The following CA10 variants were observed in gnomAD, a reference collection of about 807,000 sequenced individuals.
CA10 encodes carbonic anhydrase 10 (inactive).
In CA10, 14 loss-of-function variants were observed where a neutral mutation model predicts 44.2. That is an observed-to-expected ratio of 0.32 (90% CI 0.21 to 0.50). The LOEUF (loss-of-function observed/expected upper bound fraction) is 0.50. Among genes scored for constraint, CA10 ranks in the 20% least tolerant of loss-of-function variants. The pLI is 0.99. For synonymous variants in CA10, 159 were observed against 141.6 expected (o/e 1.12, Z -0.87); for missense variants, 350 against 409.7 (o/e 0.85, Z 1.26).
At chr17:52,025,937 A>G (rs1038983725) in intron 2 of CA10, among the ~76,000 whole-genome samples, 1 of 152,078 alleles carries the variant, frequency 6.6e-6, no homozygotes, top group South Asian at 2.1e-4. Context: ...AGAAATATAC[A>G]AACATAGAAA....
chr17:51,701,223 C>T (rs773700521), intron 4 of CA10, among the ~76,000 whole-genome samples: 5 of 152,066 alleles, frequency 3.3e-5, no homozygotes, highest in Non-Finnish European at 5.9e-5. Context: ...TGTTCCTCGG[C>T]GGGCGGCACC....
chr17:51,882,944 C>G, intron 3 of CA10, among the ~76,000 whole-genome samples: 1 of 152,032 alleles, frequency 6.6e-6, no homozygotes, highest in Non-Finnish European at 1.5e-5. Flanking sequence ...AGATATAATC[C>G]TGGCTGGGTA....
At chr17:51,827,508 C>A (rs1465248736) in intron 3 of CA10, among the ~76,000 whole-genome samples, 1 of 152,190 alleles carries the variant, frequency 6.6e-6, no homozygotes, top group Non-Finnish European at 1.5e-5. Context: ...TTGAGGAACA[C>A]TTTTTGGAAA....
intron 6 of CA10, among the ~76,000 whole-genome samples, chr17:51,636,720 A>G (rs1912841364): frequency 6.6e-6 from 1 of 151,860 alleles, no homozygotes; most frequent in South Asian, 2.1e-4. Flanking sequence ...TAGAAAAGTA[A>G]ATCAGGCCAA....
At chr17:51,746,849 C>T (rs1446862966) in intron 4 of CA10, among the ~76,000 whole-genome samples, 1 of 152,150 alleles carries the variant, frequency 6.6e-6, no homozygotes, top group Non-Finnish European at 1.5e-5. Flanking sequence ...ACACCACATG[C>T]AATACATATT....
At chr17:52,049,030 A>C (rs1413588334) in intron 2 of CA10, among the ~76,000 whole-genome samples, 2 of 152,136 alleles carry the variant, frequency 1.3e-5, no homozygotes, top group Admixed American at 6.6e-5. Flanking sequence ...CAGAAGGCAT[A>C]AAATAAAATG....
chr17:51,977,486 T>C (rs1400627099), intron 2 of CA10, among the ~76,000 whole-genome samples: 4 of 151,998 alleles, frequency 2.6e-5, no homozygotes, highest in South Asian at 4.1e-4. Flanking sequence ...TTTTAAAAAC[T>C]AAACAGTCAA....
chr17:51,744,230 G>A (rs553985509), intron 4 of CA10, among the ~76,000 whole-genome samples: 38 of 151,618 alleles, frequency 2.5e-4, no homozygotes, highest in South Asian at 1.3e-3. Flanking sequence ...TAGGAGAATC[G>A]CTTGAACCCA....
chr17:51,675,325 C>A (rs879567682), intron 4 of CA10, among the ~76,000 whole-genome samples: 17 of 152,072 alleles, frequency 1.1e-4, no homozygotes, highest in Non-Finnish European at 1.8e-4. Context: ...TTTGGGAGGC[C>A]AAGGCGGGTG....
At chr17:51,826,566 C>G (rs867039892) in intron 3 of CA10, among the ~76,000 whole-genome samples, 2 of 152,308 alleles carry the variant, frequency 1.3e-5, no homozygotes, top group Middle Eastern at 3.4e-3. Context: ...TTCCATGCAT[C>G]CTTCAGAGCC....
intron 3 of CA10, among the ~76,000 whole-genome samples, chr17:51,908,988 T>A (rs919215823): frequency 2.4e-4 from 37 of 152,124 alleles, no homozygotes; most frequent in African/African-American, 8.7e-4. Flanking sequence ...CATAACTGAT[T>A]TTTTGACGTC....
At chr17:51,959,282 C>CTCTGTGTGTGTGTG (rs748461115) in intron 2 of CA10, among the ~76,000 whole-genome samples, 9 of 134,368 alleles carry the variant, frequency 6.7e-5, no homozygotes, top group Admixed American at 7.6e-5. Flanking sequence ...CTCTCTCTCT[C>CTCTGTGTGTGTGTG]TGTGTGTGTG....
chr17:51,855,306 A>G (rs1978990706), intron 3 of CA10, among the ~76,000 whole-genome samples: 2 of 152,186 alleles, frequency 1.3e-5, no homozygotes, highest in African/African-American at 2.4e-5. Context: ...ACAGAAAAGC[A>G]CTTTGTAAAA....
At chr17:51,826,305 G>A (rs1443451204) in intron 3 of CA10, among the ~76,000 whole-genome samples, 2 of 152,198 alleles carry the variant, frequency 1.3e-5, no homozygotes, top group Non-Finnish European at 2.9e-5. Context: ...TTGACATGGT[G>A]GAAATTGCAC....
chr17:52,080,522 G>A (rs1987946619), intron 1 of CA10, among the ~76,000 whole-genome samples: 1 of 150,708 alleles, frequency 6.6e-6, no homozygotes, highest in Admixed American at 6.6e-5. Flanking sequence ...ATAGAGAGAA[G>A]CTCAAAGGTA....
intron 4 of CA10, among the ~76,000 whole-genome samples, chr17:51,741,842 A>T (rs1450821042): frequency 2.0e-5 from 3 of 152,218 alleles, no homozygotes; most frequent in Admixed American, 2.0e-4. Context: ...CCATCAACAA[A>T]GGACTATGGT....
At chr17:52,013,616 C>T (rs1985878037) in intron 2 of CA10, among the ~76,000 whole-genome samples, 1 of 151,842 alleles carries the variant, frequency 6.6e-6, no homozygotes, top group South Asian at 2.1e-4. Flanking sequence ...GATTACCATC[C>T]AAGAAACAAC....
At chr17:51,655,398 A>T (rs1040227207) in intron 4 of CA10, among the ~76,000 whole-genome samples, 3 of 152,250 alleles carry the variant, frequency 2.0e-5, no homozygotes, top group Non-Finnish European at 4.4e-5. Flanking sequence ...TGAAAGTGTA[A>T]GAGAGTACTC....
chr17:51,840,682 C>T (rs1204554189), intron 3 of CA10, among the ~76,000 whole-genome samples: 1 of 151,996 alleles, frequency 6.6e-6, no homozygotes, highest in East Asian at 1.9e-4. Flanking sequence ...GTCTGAGATT[C>T]CCATGGATCA....
Sources: gnomAD v4.1 joint callset for allele counts (sites outside exome capture counted in the v4.1 genomes callset) on GRCh38, gnomAD v4.1.1 for gene constraint, MANE v1.5 for transcripts, NCBI Gene and HGNC (gene_info 2026-07-23, HGNC 2026-07-21) for gene names.